Variants in MICU2 observed in about 807,000 individuals in gnomAD.
MICU2 encodes the protein mitochondrial calcium uptake 2, also known as calcium uptake protein 2, mitochondrial.
MICU2 carries 64 observed loss-of-function variants against 60.4 expected under a neutral mutation model. The observed-to-expected ratio is 1.06, with a 90% CI of 0.87 to 1.31. The LOEUF is 1.31. MICU2 is among the 50% of genes most tolerant of loss of function. MICU2 has a pLI of 0.00. For missense variants in MICU2, 569 were observed against 531.0 expected, an observed-to-expected ratio of 1.07 and a Z score of -0.70; for synonymous variants, 201 against 175.0, an observed-to-expected ratio of 1.15 and a Z score of -1.17.
At chr13:21,588,340 C>T (rs1888503159) in intron 1 of MICU2, among the ~76,000 whole-genome samples, 2 of 152,270 alleles carry the variant, frequency 1.3e-5, no homozygotes, top group South Asian at 4.1e-4. Flanking sequence ...CAAACTGTCC[C>T]CTTTCCACTA....
chr13:21,542,901 C>T (rs79175956), intron 2 of MICU2, among the ~76,000 whole-genome samples: 3,643 of 152,234 alleles, frequency 0.024, 149 homozygotes, highest in African/African-American at 0.082. Flanking sequence ...AATAAATCTG[C>T]CCCTGGCCAA....
rs537428561 is a variant in MICU2, at chr13:21,568,510, A to G, written c.211-1566T>C. ...CACACTTACCATCCCCGTAATCAGA[A>G]AACTAAATTTTATTGATACTTTCTG... On this transcript the variant is annotated intron_variant, in intron 1 of 11. Transcript: ENST00000382374. Among the ~76,000 whole-genome samples the G allele has an allele frequency of 7.9e-5, 12 of 152,340 alleles. No homozygotes were observed. In the South Asian group the frequency reaches 2.3e-3, roughly 29 times the overall value.
chr13:21,526,679 T>C (rs1462787938), intron 4 of MICU2, among the ~76,000 whole-genome samples: 3 of 152,110 alleles, frequency 2.0e-5, no homozygotes, highest in African/African-American at 7.2e-5. Context: ...ACAGTAAACT[T>C]TGAATGATTG....
intron 1 of MICU2, among the ~76,000 whole-genome samples, chr13:21,585,579 C>G (rs754174372): frequency 7.2e-5 from 11 of 152,104 alleles, no homozygotes; most frequent in African/African-American, 2.4e-5. Flanking sequence ...TATGGTCAGA[C>G]AGCTTGAAAT....
intron 1 of MICU2, among the ~76,000 whole-genome samples, chr13:21,583,808 G>C (rs1888400448): frequency 6.6e-6 from 1 of 152,152 alleles, no homozygotes; most frequent in South Asian, 2.1e-4. Context: ...ATTTGAGCTG[G>C]TTTCTTAACT....
chr13:21,511,031 T>A (rs530295536), intron 7 of MICU2, among the ~76,000 whole-genome samples: 1 of 151,960 alleles, frequency 6.6e-6, no homozygotes, highest in Non-Finnish European at 1.5e-5. Flanking sequence ...CTATGTTAAA[T>A]TGAGGGAATA....
At chr13:21,508,346 C>T (rs998110951) in intron 8 of MICU2, among the ~76,000 whole-genome samples, 9 of 151,778 alleles carry the variant, frequency 5.9e-5, no homozygotes, top group Non-Finnish European at 1.2e-4. Flanking sequence ...AGGATGGTCT[C>T]GGTCTCCTGA....
At chr13:21,592,120 T>C (rs1297108287) in intron 1 of MICU2, among the ~76,000 whole-genome samples, 1 of 150,030 alleles carries the variant, frequency 6.7e-6, no homozygotes, top group Non-Finnish European at 1.5e-5. Flanking sequence ...GATAAACTAC[T>C]AGCTAGAATA....
intron 8 of MICU2, among the ~76,000 whole-genome samples, chr13:21,509,159 G>A (rs1886366075): frequency 6.6e-6 from 1 of 152,192 alleles, no homozygotes; most frequent in Admixed American, 6.5e-5. Flanking sequence ...TAGTGGAGTA[G>A]CACAGGGAGG....
intron 9 of MICU2, chr13:21,496,432 T>C: frequency 2.7e-6 from 1 of 372,754 alleles, no homozygotes; most frequent in Non-Finnish European, 4.8e-6. Context: ...CCTCCAGAAC[T>C]GTGAGAAATA....
intron 4 of MICU2, among the ~76,000 whole-genome samples, chr13:21,524,819 T>C (rs1469352029): frequency 1.3e-5 from 2 of 152,230 alleles, no homozygotes; most frequent in Non-Finnish European, 2.9e-5. Flanking sequence ...TTCCGCTTTC[T>C]GTCTCTGTGA....
At chr13:21,528,241 TG>T (rs998506614) in intron 4 of MICU2, among the ~76,000 whole-genome samples, 2 of 152,204 alleles carry the variant, frequency 1.3e-5, no homozygotes, top group African/African-American at 2.4e-5. Flanking sequence ...TTCTTATATG[TG>T]GTAAGATGGA....
chr13:21,579,852 A>C (rs1315785851), intron 1 of MICU2, among the ~76,000 whole-genome samples: 4 of 152,190 alleles, frequency 2.6e-5, no homozygotes, highest in Non-Finnish European at 4.4e-5. Flanking sequence ...GTAATTTCTG[A>C]GGATACTTTT....
chr13:21,528,243 G>T (rs1886903969), intron 4 of MICU2, among the ~76,000 whole-genome samples: 1 of 152,082 alleles, frequency 6.6e-6, no homozygotes, highest in South Asian at 2.1e-4. Flanking sequence ...CTTATATGTG[G>T]TAAGATGGAA....
chr13:21,604,124 C>G lies in MICU2; in HGVS notation c.25G>C (p.Ala9Pro), dbSNP rs760995961. 26 of 1,565,500 alleles carry G rather than the reference C, an allele frequency of 1.7e-5. No individual in the cohort carries two copies. Among genetic ancestry groups the G allele is most frequent in the Non-Finnish European group, 2.0e-5 (23 of 1,158,154 alleles). Residue 9 changes from alanine (A) to proline (P), a missense_variant, in exon 1 of 12, where the codon GCG becomes CCG. Coordinates refer to ENST00000382374, the MANE Select transcript of MICU2 (RefSeq NM_152726.3). ...TTTCCGCCCCAGGCCGCCACCCGCG[C>G]GCAGCTACCCGCAGCCGCCGCCATC... Reference protein sequence around the residue: MAAAAGSCARVAAWGGKLR... With the variant: MAAAAGSCPRVAAWGGKLR...
At chr13:21,598,724 G>GA (rs1176769321) in intron 1 of MICU2, among the ~76,000 whole-genome samples, 1 of 150,054 alleles carries the variant, frequency 6.7e-6, no homozygotes, top group Non-Finnish European at 1.5e-5. Context: ...TCCAAAAAAA[G>GA]AAAAAAAAAG....
At chr13:21,602,805 G>T (rs867598875) in intron 1 of MICU2, 1 of 152,034 alleles carries the variant, frequency 6.6e-6, no homozygotes, top group Admixed American at 6.6e-5. Flanking sequence ...TCGCTAGAAA[G>T]GCATAATGTA....
chr13:21,584,791 A>G (rs1888423465), intron 1 of MICU2, among the ~76,000 whole-genome samples: 2 of 152,200 alleles, frequency 1.3e-5, no homozygotes, highest in Non-Finnish European at 2.9e-5. Context: ...TATAAATAAA[A>G]CATTTAAATT....
At chr13:21,572,382 T>C (rs1349846623) in intron 1 of MICU2, among the ~76,000 whole-genome samples, 1 of 152,148 alleles carries the variant, frequency 6.6e-6, no homozygotes, top group Non-Finnish European at 1.5e-5. Context: ...CAGGTAGGGG[T>C]AAGGCGAATG....
Sources: allele counts gnomAD v4.1 joint callset (sites outside exome capture counted in the v4.1 genomes callset), GRCh38; gene constraint gnomAD v4.1.1; transcripts MANE v1.5; gene names NCBI Gene and HGNC (gene_info 2026-07-23, HGNC 2026-07-21).